EPHA6: variants seen among roughly 807,000 people sequenced by gnomAD.
The protein encoded by EPHA6 is ephrin type-A receptor 6.
Under a neutral mutation model 112.0 loss-of-function variants are expected in EPHA6, and 50 were observed. That is an observed-to-expected ratio of 0.45 (90% CI 0.36 to 0.56). The LOEUF is 0.56. EPHA6 is among the 20% of genes least tolerant of loss of function. EPHA6 has a pLI of 0.00. For missense variants in EPHA6, 1,280 were observed against 1,417.4 expected (o/e 0.90, Z 1.56); for synonymous variants, 529 against 490.7 (o/e 1.08, Z -1.03).
intron 11 of EPHA6, among the ~76,000 whole-genome samples, chr3:97,588,546 G>A (rs185039907): frequency 6.9e-4 from 105 of 152,232 alleles, no homozygotes; most frequent in Non-Finnish European, 1.2e-3. Flanking sequence ...CTTCAAAGAA[G>A]GGAATCTTTT....
intron 14 of EPHA6, among the ~76,000 whole-genome samples, chr3:97,676,889 G>A (rs2031438222): frequency 6.6e-6 from 1 of 152,158 alleles, no homozygotes; most frequent in African/African-American, 2.4e-5. Flanking sequence ...GAGGTTTGCA[G>A]TTTAGAAGAA....
intron 14 of EPHA6, among the ~76,000 whole-genome samples, chr3:97,659,207 C>T (rs2094154616): frequency 6.6e-6 from 1 of 151,456 alleles, no homozygotes; most frequent in Admixed American, 6.6e-5. Flanking sequence ...TAATTAGAAA[C>T]AAAATCCCAG....
chr3:96,860,956 C>T (rs113432251), intron 1 of EPHA6, among the ~76,000 whole-genome samples: 3 of 151,796 alleles, frequency 2.0e-5, no homozygotes, highest in Non-Finnish European at 2.9e-5. Flanking sequence ...TAGGAAAGCA[C>T]AACTTTTGAG....
intron 3 of EPHA6, among the ~76,000 whole-genome samples, chr3:97,067,017 A>C (rs1683862356): frequency 1.3e-5 from 2 of 152,130 alleles, no homozygotes. Flanking sequence ...GATCTCTCAG[A>C]ATGGTATTTA....
chr3:97,646,030 A>G (rs996648811), intron 14 of EPHA6: 7 of 978,772 alleles, frequency 7.2e-6, no homozygotes, highest in Middle Eastern at 3.2e-4. Context: ...AAATATCTTT[A>G]GAACAGTATG....
chr3:97,167,096 A>T (rs1464886010), intron 3 of EPHA6, among the ~76,000 whole-genome samples: 3 of 152,180 alleles, frequency 2.0e-5, no homozygotes, highest in Non-Finnish European at 2.9e-5. Context: ...TCATTCATGT[A>T]TGCAAAATGC....
chr3:97,599,307 T>C (rs951906623), intron 12 of EPHA6, among the ~76,000 whole-genome samples: 2 of 150,950 alleles, frequency 1.3e-5, no homozygotes, highest in African/African-American at 4.9e-5. Flanking sequence ...TTTGTTGCCA[T>C]TGCTTTTGGT....
intron 14 of EPHA6, among the ~76,000 whole-genome samples, chr3:97,649,428 T>C (rs1370354446): frequency 6.6e-6 from 1 of 151,950 alleles, no homozygotes; most frequent in East Asian, 1.9e-4. Context: ...AACCATATAA[T>C]CTACTAACAT....
intron 7 of EPHA6, among the ~76,000 whole-genome samples, chr3:97,458,201 A>G (rs1050317301): frequency 6.6e-5 from 10 of 152,054 alleles, no homozygotes; most frequent in African/African-American, 2.4e-4. Flanking sequence ...GGAGCGCTTA[A>G]AAGATTTAGC....
intron 3 of EPHA6, among the ~76,000 whole-genome samples, chr3:97,017,988 T>A (rs2107968671): frequency 6.6e-6 from 1 of 151,992 alleles, no homozygotes. Context: ...TTATTCTTTT[T>A]TTTTTTGTCT....
At chr3:97,347,345 T>TTTCTTAGA (rs1423528804) in intron 5 of EPHA6, among the ~76,000 whole-genome samples, 3 of 152,138 alleles carry the variant, frequency 2.0e-5, no homozygotes, top group Non-Finnish European at 4.4e-5. Flanking sequence ...GATACTAACT[T>TTTCTTAGA]TTCTTAGATA....
At position 97,750,433 on chromosome 3, in the gene EPHA6, G is replaced by A. The variant is rs6801208; in HGVS notation, c.*1732G>A. Among the ~76,000 whole-genome samples the A allele has an allele frequency of 2.6e-5, 4 of 151,334 alleles. No individual in the cohort carries two copies. Among genetic ancestry groups the A allele is most frequent in the Non-Finnish European group, 4.4e-5 (3 of 67,828 alleles). Reference sequence around the variant, plus strand: ...GTGCAATGGTGAGATCTTGGCTCACGGCAACCTCTGCCTCCCGGGTTCAAG... The same window carrying A: ...GTGCAATGGTGAGATCTTGGCTCACAGCAACCTCTGCCTCCCGGGTTCAAG... On this transcript the variant is annotated 3_prime_UTR_variant, in exon 18 of 18. Coordinates refer to ENST00000389672, the MANE Select transcript of EPHA6 (RefSeq NM_001080448.3).
At position 97,461,308 on chromosome 3, in the gene EPHA6, T is replaced by G. The variant is rs570193642; in HGVS notation, c.1894+12578T>G. ...GTAAAAATTCAAGCTTTGTACTTACTTAAACTTGGATTTAAATTTTGACTT... is the reference window on the plus strand; with the variant it reads ...GTAAAAATTCAAGCTTTGTACTTACGTAAACTTGGATTTAAATTTTGACTT... On this transcript the variant is annotated intron_variant, in intron 7 of 17. Coordinates refer to ENST00000389672, the MANE Select transcript of EPHA6 (RefSeq NM_001080448.3). 5.3e-5 allele frequency among the ~76,000 whole-genome samples: 8 copies of G among 152,320 alleles called. No individual in the cohort carries two copies. The South Asian group carries it at 1.7e-3, about 32-fold the overall frequency.
intron 2 of EPHA6, among the ~76,000 whole-genome samples, chr3:96,971,789 A>T (rs2042325273): frequency 6.6e-6 from 1 of 152,140 alleles, no homozygotes; most frequent in Non-Finnish European, 1.5e-5. Context: ...AACAAATCAC[A>T]TATGGGCCAT....
chr3:96,945,684 T>G (rs2041218635), intron 2 of EPHA6, among the ~76,000 whole-genome samples: 1 of 152,100 alleles, frequency 6.6e-6, no homozygotes. Context: ...CAGATTTACA[T>G]TATAATTAAA....
chr3:97,558,929 T>C (rs2093151252), intron 11 of EPHA6, among the ~76,000 whole-genome samples: 1 of 152,134 alleles, frequency 6.6e-6, no homozygotes, highest in Non-Finnish European at 1.5e-5. Flanking sequence ...AGAATTAAAA[T>C]AGTGCTTATT....
chr3:96,997,692 G>GA (rs2043473660), intron 3 of EPHA6, among the ~76,000 whole-genome samples: 1 of 151,914 alleles, frequency 6.6e-6, no homozygotes, highest in South Asian at 2.1e-4. Flanking sequence ...AAAAATCATT[G>GA]ATAATATCTG....
At chr3:97,212,698 T>C (rs2077909807) in intron 3 of EPHA6, among the ~76,000 whole-genome samples, 1 of 152,186 alleles carries the variant, frequency 6.6e-6, no homozygotes. Flanking sequence ...CTTTAACATA[T>C]AAATTATAAA....
At chr3:96,911,492 G>A (rs2039211459) in intron 2 of EPHA6, among the ~76,000 whole-genome samples, 2 of 151,972 alleles carry the variant, frequency 1.3e-5, no homozygotes, top group South Asian at 4.1e-4. Context: ...TAAGATAGCA[G>A]TTACATTTGA....
Sources: allele counts gnomAD v4.1 joint callset (sites outside exome capture counted in the v4.1 genomes callset), GRCh38; gene constraint gnomAD v4.1.1; transcripts MANE v1.5; gene names NCBI Gene and HGNC (gene_info 2026-07-23, HGNC 2026-07-21).